The following PPP6R2 variants were observed in gnomAD, a reference collection of about 807,000 sequenced individuals.
The protein encoded by PPP6R2 is serine/threonine-protein phosphatase 6 regulatory subunit 2.
Under a neutral mutation model 100.2 loss-of-function variants are expected in PPP6R2, and 62 were observed. The ratio of observed to expected loss-of-function variants is 0.62; its 90% CI spans 0.50 to 0.76. The LOEUF is 0.76. Among genes scored for constraint, PPP6R2 ranks in the 30% least tolerant of loss-of-function variants. The pLI is 0.00. For missense variants in PPP6R2, 1,142 were observed against 1,276.3 expected (o/e 0.89, Z 1.60); for synonymous variants, 525 against 514.7 (o/e 1.02, Z -0.27).
chr22:50,355,849 AAAAC>A (rs1020846708), intron 1 of PPP6R2, among the ~76,000 whole-genome samples: 6 of 151,634 alleles, frequency 4.0e-5, no homozygotes, highest in African/African-American at 1.4e-4. Context: ...TGGAAAAAAA[AAAAC>A]CAAAAAAAAA....
intron 2 of PPP6R2, among the ~76,000 whole-genome samples, chr22:50,384,257 G>C (rs1040462581): frequency 6.6e-6 from 1 of 151,942 alleles, no homozygotes; most frequent in Non-Finnish European, 1.5e-5. Context: ...ACCTGAGACT[G>C]GGTAATTTAT....
intron 3 of PPP6R2, among the ~76,000 whole-genome samples, chr22:50,395,768 C>T (rs529379270): frequency 2.2e-4 from 34 of 151,442 alleles, no homozygotes; most frequent in African/African-American, 5.6e-4. Flanking sequence ...GGTTTCACCA[C>T]GTTGCACAGG....
At chr22:50,441,830 CA>C (rs1300114976) in intron 22 of PPP6R2, among the ~76,000 whole-genome samples, 1 of 152,136 alleles carries the variant, frequency 6.6e-6, no homozygotes, top group Non-Finnish European at 1.5e-5. Flanking sequence ...CCTCTGGGGT[CA>C]GGGCGTGGGT....
chr22:50,431,328 C>G lies in PPP6R2; in HGVS notation c.1281C>G (p.Ser427Arg), dbSNP rs112217367. The G allele has an allele frequency of 6.2e-7, 1 of 1,613,096 alleles. No individual in the cohort carries two copies. Among genetic ancestry groups the G allele is most frequent in the Non-Finnish European group, 8.5e-7 (1 of 1,180,010 alleles). ...VEPPHENGNR[S>R]LETPQPAASL... is the part of the protein sequence containing the mutation. ...CTCCGCATGAGAACGGGAACCGGAG[C>G]CTGGAGACTCCCCAGCCGGCCGCCA... The change falls in exon 11 of 24, where the codon AGC becomes AGG. Residue 427 changes from serine (S) to arginine (R), a missense_variant. By Grantham distance (110) the Ser-to-Arg change is moderately radical (BLOSUM62 -1). This residue lies in a region of PPP6R2 where 592 missense variants were observed against 758.9 expected (regional missense o/e 0.78). Coordinates refer to ENST00000612753, the MANE Select transcript of PPP6R2 (RefSeq NM_001242898.2). This position sits in a 1 kb window ranked among gnomAD's most constrained non-coding sequence, Gnocchi z 4.8.
intron 2 of PPP6R2, among the ~76,000 whole-genome samples, chr22:50,374,428 A>G (rs1422938368): frequency 6.6e-6 from 1 of 152,228 alleles, no homozygotes; most frequent in Admixed American, 6.5e-5. Flanking sequence ...AGTGAAAGAC[A>G]TTATCCAAAG....
rs2061440876 is a variant in PPP6R2 at position 50,422,287 on chromosome 22, A to G, written c.879A>G (p.Gly293=). 1 of 1,613,828 alleles carries G rather than the reference A, an allele frequency of 6.2e-7. No homozygotes were observed. ...GCTTGGTGGACTCCTTTTCTCAGGG[A>G]CTGGAAAGGTCATACGCTGTCAGCA... The part of the protein sequence containing the change: ...TEGLVDSFSQ[G]LERSYAVSSS... Residue 293 remains glycine (G), a synonymous_variant, in exon 9 of 24, where the codon GGA becomes GGG. Transcript: ENST00000612753.
chr22:50,346,774 CATCAGTGTCCCCCA>C (rs2043853080), intron 1 of PPP6R2, among the ~76,000 whole-genome samples: 1 of 147,156 alleles, frequency 6.8e-6, no homozygotes, highest in Non-Finnish European at 1.5e-5. Flanking sequence ...CTCTGCTCCC[CATCAGTGTCCCCCA>C]GTCAGAGTCC....
At chr22:50,358,821 T>C (rs1018096094) in intron 1 of PPP6R2, among the ~76,000 whole-genome samples, 7 of 152,188 alleles carry the variant, frequency 4.6e-5, no homozygotes, top group Non-Finnish European at 8.8e-5. Context: ...GACTCTCTTC[T>C]CCATTCAATT....
intron 6 of PPP6R2, among the ~76,000 whole-genome samples, chr22:50,418,187 C>G (rs1034306551): frequency 1.3e-5 from 2 of 152,078 alleles, no homozygotes; most frequent in Non-Finnish European, 2.9e-5. Flanking sequence ...AGGTATAGCC[C>G]AGTATCTGCA....
intron 1 of PPP6R2, among the ~76,000 whole-genome samples, chr22:50,359,407 A>G (rs2047333715): frequency 6.6e-6 from 1 of 151,730 alleles, no homozygotes; most frequent in Admixed American, 6.6e-5. Flanking sequence ...TTTAGTAGAG[A>G]TGGGGTTTGC....
chr22:50,444,826 A>G lies in PPP6R2; in HGVS notation c.*579A>G, dbSNP rs945572803. The G allele has an allele frequency of 4.5e-5, 7 of 155,076 alleles. No homozygotes were observed. The highest frequency in any genetic ancestry group is 1.7e-4 in the African/African-American group (7 of 41,388). The allele number at this position is 155,076 out of a possible 1,614,324, so 9.6% of individuals were successfully genotyped here. ...GCTGCAAGATTTGACTGCCTTAAAA[A>G]CACAAGGCCCTCTAGGCCTGGCAGG... On this transcript the variant is annotated 3_prime_UTR_variant, in exon 24 of 24. Coordinates refer to ENST00000612753, the MANE Select transcript of PPP6R2 (RefSeq NM_001242898.2).
chr22:50,372,450 G>C (rs1041432992), intron 2 of PPP6R2, among the ~76,000 whole-genome samples: 2 of 152,010 alleles, frequency 1.3e-5, no homozygotes, highest in Admixed American at 6.6e-5. Context: ...TCAGGAGGCT[G>C]AGGCAGGAGA....
At chr22:50,368,960 C>A (rs963314832) in intron 1 of PPP6R2, among the ~76,000 whole-genome samples, 1 of 152,164 alleles carries the variant, frequency 6.6e-6, no homozygotes, top group Non-Finnish European at 1.5e-5. Context: ...ATTTCTTGGC[C>A]GGGTGCAGTG....
chr22:50,416,978 A>G (rs544072294), intron 6 of PPP6R2, among the ~76,000 whole-genome samples: 1 of 151,894 alleles, frequency 6.6e-6, no homozygotes, highest in South Asian at 2.1e-4. Flanking sequence ...CCAAAGAACA[A>G]TTCTAATAGA....
chr22:50,360,643 T>C (rs961743058), intron 1 of PPP6R2, among the ~76,000 whole-genome samples: 13 of 152,182 alleles, frequency 8.5e-5, no homozygotes, highest in African/African-American at 3.1e-4. Context: ...GGATTATAGG[T>C]GTGAGGCACC....
chr22:50,376,537 C>T (rs2051597548), intron 2 of PPP6R2, among the ~76,000 whole-genome samples: 1 of 152,060 alleles, frequency 6.6e-6, no homozygotes, highest in Non-Finnish European at 1.5e-5. Flanking sequence ...ATCCTTCTGT[C>T]TCAGCCTTCT....
chr22:50,440,852 T>C lies in PPP6R2; in HGVS notation c.2405T>C (p.Val802Ala). Residue 802 changes from valine (V) to alanine (A), a missense_variant, in exon 22 of 24, where the codon GTG becomes GCG. Transcript: ENST00000612753. ...FSPASPCAWN[V>A]CVTRKAPLLA... Reference sequence around the variant, plus strand: ...CCGGCTTCTCCATGTGCCTGGAACGTGTGTGTCACCAGGAAGGCCCCCCTG... The same window carrying C: ...CCGGCTTCTCCATGTGCCTGGAACGCGTGTGTCACCAGGAAGGCCCCCCTG... 1 of 1,613,774 alleles carries C rather than the reference T, an allele frequency of 6.2e-7. No homozygotes were observed. The highest frequency in any genetic ancestry group is 8.5e-7 in the Non-Finnish European group (1 of 1,179,986).
At chr22:50,399,239 G>A (rs948327763) in intron 3 of PPP6R2, among the ~76,000 whole-genome samples, 1 of 152,228 alleles carries the variant, frequency 6.6e-6, no homozygotes, top group African/African-American at 2.4e-5. Context: ...AAATATATAT[G>A]TAGACCAGGA....
At chr22:50,403,297 C>G (rs2058338034) in intron 3 of PPP6R2, among the ~76,000 whole-genome samples, 1 of 152,188 alleles carries the variant, frequency 6.6e-6, no homozygotes, top group African/African-American at 2.4e-5. Context: ...TACGTTTGAT[C>G]TTCCTCCTCA....
Sources: allele counts gnomAD v4.1 joint callset (sites outside exome capture counted in the v4.1 genomes callset), GRCh38; gene constraint gnomAD v4.1.1; regional missense constraint gnomAD v4.1.1; non-coding constraint Gnocchi (gnomAD v3.1); transcripts MANE v1.5; gene names NCBI Gene and HGNC (gene_info 2026-07-23, HGNC 2026-07-21).